The following THEM4 variants were observed in gnomAD, a reference collection of about 807,000 sequenced individuals.
THEM4 encodes the protein thioesterase superfamily member 4.
THEM4 carries 22 observed loss-of-function variants against 25.0 expected under a neutral mutation model. The ratio of observed to expected loss-of-function variants is 0.88; its 90% CI spans 0.63 to 1.26. The LOEUF (loss-of-function observed/expected upper bound fraction) is 1.26. Ranked by LOEUF, THEM4 falls within the 50% of genes most tolerant of loss-of-function variation. THEM4 has a pLI of 0.00. For synonymous variants in THEM4, 113 were observed against 105.6 expected, an observed-to-expected ratio of 1.07 and a Z score of -0.43; for missense variants, 286 against 300.3, an observed-to-expected ratio of 0.95 and a Z score of 0.35.
At chr1:151,875,059 C>T in intron 5 of THEM4, 131 bp from the exon 6 acceptor site, 2 of 769,450 alleles carry the variant, frequency 2.6e-6, no homozygotes, top group Non-Finnish European at 2.2e-6. Flanking sequence ...TCTGTCCACT[C>T]TCATTTTTCA....
In THEM4 at chr1:151,876,598, C is replaced by T. The variant is rs575574632; in HGVS notation, c.682+403G>A. ...AAGTAGCTGGGACTACAGGCGCACA[C>T]TACCATGCCCCGCTAATTTTTTGTA... On this transcript the variant is annotated intron_variant, in intron 5 of 5. Transcript: ENST00000368814. Among the ~76,000 whole-genome samples the T allele has an allele frequency of 7.2e-5, 11 of 152,142 alleles. No individual in the cohort carries two copies. The East Asian group carries it at 2.1e-3, about 29-fold the overall frequency.
At chr1:151,895,716 T>C (rs1654208131) in intron 1 of THEM4, among the ~76,000 whole-genome samples, 1 of 149,534 alleles carries the variant, frequency 6.7e-6, no homozygotes, top group South Asian at 2.1e-4. Flanking sequence ...ATAGTTTGGA[T>C]GTGTGTTCCC....
At position 151,871,325 on chromosome 1, in the gene THEM4, G is replaced by GAAAAAA. The variant is rs11304399; in HGVS notation, c.*3557_*3562dup. ...AGGCGACAGAGCCAGACCCTGTCTT[G>GAAAAAA]AAAAAAAAAAAAAAAAAAGAAAAAG... On this transcript the variant is annotated 3_prime_UTR_variant, in exon 6 of 6. Transcript: ENST00000368814. Among the ~76,000 whole-genome samples, 2 of 123,726 alleles carry GAAAAAA rather than the reference G, an allele frequency of 1.6e-5. No individual in the cohort carries two copies. Among genetic ancestry groups the GAAAAAA allele is most frequent in the African/African-American group, 3.1e-5 (1 of 32,426 alleles). The allele number at this position is 123,726 out of a possible 152,430, so 81.2% of individuals were successfully genotyped here.
rs1274433122 is a variant in THEM4, at chr1:151,871,368, G to C, written c.*3520C>G. ...AGAAAAAGAAAAAAGAAAGGAAAAA[G>C]AAGGAAACAGGAAATGAGGAATAGT... On this transcript the variant is annotated 3_prime_UTR_variant, in exon 6 of 6. Coordinates refer to ENST00000368814, the MANE Select transcript of THEM4 (RefSeq NM_053055.5). Among the ~76,000 whole-genome samples the C allele has an allele frequency of 6.7e-6, 1 of 150,306 alleles. No homozygotes were observed. The highest frequency in any genetic ancestry group is 1.5e-5 in the Non-Finnish European group (1 of 67,530).
intron 5 of THEM4, among the ~76,000 whole-genome samples, chr1:151,876,686 T>A (rs1433373574): frequency 6.6e-6 from 1 of 152,112 alleles, no homozygotes; most frequent in Non-Finnish European, 1.5e-5. Flanking sequence ...TGGGCTCAAG[T>A]GATCCTCCCA....
Position 151,895,073 on chromosome 1 carries a change from T to C in THEM4, c.221A>G (p.Lys74Arg). 1 of 1,614,148 alleles carries C rather than the reference T, an allele frequency of 6.2e-7. No homozygotes were observed. Among genetic ancestry groups the C allele is most frequent in the Non-Finnish European group, 8.5e-7 (1 of 1,180,018 alleles). The change falls in exon 2 of 6, where the codon AAA becomes AGA. Residue 74 changes from lysine (K) to arginine (R), a missense_variant. Physicochemically the swap from Lys to Arg is conservative, Grantham distance 26 (BLOSUM62 2). Coordinates refer to ENST00000368814, the MANE Select transcript of THEM4 (RefSeq NM_053055.5). The part of the protein sequence containing the change: ...FMKKCEDGSW[K>R]RLPSYKRTPT... ...TGTACGTTTATATGAAGGCAAACGTTTCCAGGAGCCGTCTTCACATTTCTT... is the reference window on the plus strand; with the variant it reads ...TGTACGTTTATATGAAGGCAAACGTCTCCAGGAGCCGTCTTCACATTTCTT...
chr1:151,898,091 C>G (rs1158038707), intron 1 of THEM4, among the ~76,000 whole-genome samples: 1 of 152,162 alleles, frequency 6.6e-6, no homozygotes, highest in Non-Finnish European at 1.5e-5. Context: ...AGCTTCCTGG[C>G]CAGAACTCGG....
chr1:151,885,467 G>A (rs938094257), intron 4 of THEM4, among the ~76,000 whole-genome samples: 3 of 152,140 alleles, frequency 2.0e-5, no homozygotes, highest in African/African-American at 7.2e-5. Context: ...TTTATATTGT[G>A]TATTTGATTA....
chr1:151,880,573 C>T (rs1270248915), intron 4 of THEM4, among the ~76,000 whole-genome samples: 2 of 151,988 alleles, frequency 1.3e-5, no homozygotes, highest in East Asian at 3.9e-4. Flanking sequence ...TTAATTTATA[C>T]TCTTTATTAG....
intron 4 of THEM4, among the ~76,000 whole-genome samples, chr1:151,877,558 T>C (rs1653710183): frequency 6.6e-6 from 1 of 152,340 alleles, no homozygotes; most frequent in South Asian, 2.1e-4. Flanking sequence ...TTCTGAGTAA[T>C]GGTCACTAGA....
intron 4 of THEM4, among the ~76,000 whole-genome samples, chr1:151,883,564 A>C (rs1373678569): frequency 1.5e-4 from 23 of 152,146 alleles, no homozygotes; most frequent in Admixed American, 1.5e-3. Context: ...TTGGGTGGCG[A>C]CACAAAGCCA....
chr1:151,898,039 A>G (rs1654264314), intron 1 of THEM4, among the ~76,000 whole-genome samples: 1 of 152,224 alleles, frequency 6.6e-6, no homozygotes, highest in African/African-American at 2.4e-5. Context: ...CAGGGAGAAG[A>G]AATTCTGCGG....
chr1:151,877,950 C>G (rs1348382388), intron 4 of THEM4, among the ~76,000 whole-genome samples: 1 of 152,104 alleles, frequency 6.6e-6, no homozygotes, highest in Non-Finnish European at 1.5e-5. Flanking sequence ...GATGATGGAA[C>G]TACCCCAGGT....
At chr1:151,894,628 G>T (rs1440133582) in intron 2 of THEM4, among the ~76,000 whole-genome samples, 5 of 152,148 alleles carry the variant, frequency 3.3e-5, no homozygotes, top group African/African-American at 1.2e-4. Flanking sequence ...TGGGAGATGT[G>T]GGTATAACCT....
At position 151,877,089 on chromosome 1, in the gene THEM4, G is replaced by T. The variant is rs183978296; in HGVS notation, c.594C>A (p.Ser198Arg). 6.8e-6 allele frequency: 11 copies of T among 1,613,242 alleles called. No individual in the cohort carries two copies. Among genetic ancestry groups the T allele is most frequent in the Non-Finnish European group, 9.3e-6 (11 of 1,179,706 alleles). ...IPLCSVVMINSQLDKVEGRKF... is the reference protein window; with the variant it reads ...IPLCSVVMINRQLDKVEGRKF... ...TCCTTCCTTCAACTTTATCAAGTTG[G>T]CTATTTATCATAACAACAGAACAAA... Residue 198 changes from serine (S) to arginine (R), a missense_variant, in exon 5 of 6, where the codon AGC (serine) becomes AGA (arginine). By Grantham distance (110) the Ser-to-Arg change is moderately radical. Coordinates refer to ENST00000368814, the MANE Select transcript of THEM4 (RefSeq NM_053055.5).
chr1:151,900,592 A>G (rs1032547678), intron 1 of THEM4, among the ~76,000 whole-genome samples: 1 of 152,262 alleles, frequency 6.6e-6, no homozygotes, highest in African/African-American at 2.4e-5. Context: ...AAAGAGGGAC[A>G]TTATACAATG....
chr1:151,893,364 T>C (rs1178980394), intron 2 of THEM4, among the ~76,000 whole-genome samples: 3 of 116,456 alleles, frequency 2.6e-5, no homozygotes, highest in Admixed American at 2.2e-4. Flanking sequence ...TCAGTGAGAC[T>C]CATTCTCAAA....
At chr1:151,895,460 T>C (rs1654202777) in intron 1 of THEM4, among the ~76,000 whole-genome samples, 1 of 152,084 alleles carries the variant, frequency 6.6e-6, no homozygotes. Flanking sequence ...TCCATTCTTT[T>C]TTTCCAGACT....
chr1:151,900,289 A>G (rs1654324123), intron 1 of THEM4, among the ~76,000 whole-genome samples: 1 of 152,182 alleles, frequency 6.6e-6, no homozygotes, highest in Non-Finnish European at 1.5e-5. Context: ...CCCACAGTAC[A>G]CAGGCAACAA....
Sources: gnomAD v4.1 joint callset for allele counts (sites outside exome capture counted in the v4.1 genomes callset) on GRCh38, gnomAD v4.1.1 for gene constraint, MANE v1.5 for transcripts, NCBI Gene and HGNC (gene_info 2026-07-23, HGNC 2026-07-21) for gene names.